HELZ: variants seen among roughly 807,000 people sequenced by gnomAD.
The protein encoded by HELZ is helicase with zinc finger.
A neutral mutation model predicts 218.2 loss-of-function variants in HELZ; 23 were observed. The ratio of observed to expected loss-of-function variants is 0.11; its 90% CI spans 0.08 to 0.15. The LOEUF is 0.15. HELZ is among the 10% of genes least tolerant of loss of function. HELZ has a pLI of 1.00. For missense variants in HELZ, 1,813 were observed against 2,353.7 expected (o/e 0.77, Z 4.75); for synonymous variants, 814 against 829.4 (o/e 0.98, Z 0.32).
intron 9 of HELZ, among the ~76,000 whole-genome samples, chr17:67,192,344 T>C (rs1325776582): frequency 1.3e-5 from 2 of 152,140 alleles, no homozygotes; most frequent in African/African-American, 4.8e-5. Flanking sequence ...CAGCACAATA[T>C]GAATTTTCAA....
At chr17:67,106,059 T>C (rs1163739111) in intron 31 of HELZ, among the ~76,000 whole-genome samples, 8 of 152,210 alleles carry the variant, frequency 5.3e-5, no homozygotes, top group African/African-American at 1.9e-4. Context: ...ATCAAAAAAG[T>C]ATTTTTCATA....
At chr17:67,153,895 A>G (rs1427727550) in intron 17 of HELZ, among the ~76,000 whole-genome samples, 1 of 152,244 alleles carries the variant, frequency 6.6e-6, no homozygotes, top group Admixed American at 6.5e-5. Context: ...CAAAAGGATA[A>G]TTTCTACTCA....
At chr17:67,155,177 CAAGA>C (rs1210836374) in intron 17 of HELZ, among the ~76,000 whole-genome samples, 1 of 151,986 alleles carries the variant, frequency 6.6e-6, no homozygotes, top group African/African-American at 2.4e-5. Context: ...GGTAGAAAAT[CAAGA>C]AAGAGGAAGA....
Position 67,193,133 on chromosome 17 carries a change from A to C in HELZ, c.557+834T>G, listed in dbSNP as rs2039939195. The stretch of plus-strand genomic sequence containing the variant: ...CAAGGCAGGAGGATTGCTTGAGCTC[A>C]GGAGTTCAAAACCAGCCTGAGCAAC... On this transcript the variant is annotated intron_variant, in intron 9 of 32. Transcript: ENST00000358691. Among the ~76,000 whole-genome samples, 8 of 152,180 alleles carry C rather than the reference A, an allele frequency of 5.3e-5. No individual in the cohort carries two copies. The South Asian group carries it at 1.7e-3, about 32-fold the overall frequency.
chr17:67,102,667 T>C (rs2036965291), intron 31 of HELZ, among the ~76,000 whole-genome samples: 2 of 152,210 alleles, frequency 1.3e-5, no homozygotes, highest in African/African-American at 4.8e-5. Flanking sequence ...AGATGATTCA[T>C]GCAAAAGCAT....
chr17:67,150,006 A>G (rs1449360103), intron 18 of HELZ, 21 bp from the exon 19 acceptor site: 1 of 1,413,482 alleles, frequency 7.1e-7, no homozygotes, highest in Non-Finnish European at 9.9e-7. Flanking sequence ...CAGCATAAAC[A>G]CAGGATAGCA....
At chr17:67,131,045 C>G (rs1167564387) in intron 23 of HELZ, among the ~76,000 whole-genome samples, 2 of 152,094 alleles carry the variant, frequency 1.3e-5, no homozygotes, top group Admixed American at 1.3e-4. Context: ...GCCACCACAC[C>G]TGGCTAAATT....
chr17:67,148,146 G>A (rs2038563668), intron 20 of HELZ, among the ~76,000 whole-genome samples: 1 of 152,200 alleles, frequency 6.6e-6, no homozygotes, highest in South Asian at 2.1e-4. Context: ...TGGGGGGCCG[G>A]GAGGGGGGCA....
At chr17:67,185,355 T>C (rs148342044) in intron 12 of HELZ, among the ~76,000 whole-genome samples, 2 of 152,274 alleles carry the variant, frequency 1.3e-5, no homozygotes, top group African/African-American at 4.8e-5. Context: ...AAGAAACAAA[T>C]ATTACACTAC....
At position 67,213,028 on chromosome 17, in the gene HELZ, G is replaced by C. The variant is rs1325288466; in HGVS notation, c.247+2871C>G. ...ATAGCACCTAATTTTAAAATGCTAA[G>C]TAAAACAATTAACAGAATAATGCAA... On this transcript the variant is annotated intron_variant, in intron 5 of 32. Coordinates refer to ENST00000358691, the MANE Select transcript of HELZ (RefSeq NM_014877.4). 3.3e-5 allele frequency among the ~76,000 whole-genome samples: 5 copies of C among 152,268 alleles called. No individual in the cohort carries two copies. The East Asian group carries it at 9.6e-4, about 29-fold the overall frequency.
At chr17:67,095,614 A>G (rs535617886) in intron 31 of HELZ, among the ~76,000 whole-genome samples, 35 of 152,272 alleles carry the variant, frequency 2.3e-4, no homozygotes, top group African/African-American at 7.7e-4. Context: ...CAAGTTAGTC[A>G]TATCAGGCTC....
chr17:67,156,005 T>C (rs1008916323), intron 17 of HELZ, among the ~76,000 whole-genome samples: 8 of 87,886 alleles, frequency 9.1e-5, no homozygotes, highest in African/African-American at 1.2e-4. Context: ...ATATAATATA[T>C]ACACACATAA....
chr17:67,143,919 C>T (rs191943952), intron 21 of HELZ, among the ~76,000 whole-genome samples: 1 of 152,244 alleles, frequency 6.6e-6, no homozygotes, highest in East Asian at 1.9e-4. Flanking sequence ...ACTTATAATT[C>T]CAAACTTTTT....
At chr17:67,227,228 T>C (rs2040917669) in intron 3 of HELZ, among the ~76,000 whole-genome samples, 1 of 151,926 alleles carries the variant, frequency 6.6e-6, no homozygotes, top group African/African-American at 2.4e-5. Flanking sequence ...AGTCTCACTC[T>C]GTCGCCCAGG....
Position 67,107,461 on chromosome 17 carries a change from G to A in HELZ, c.4949C>T (p.Pro1650Leu). The A allele has an allele frequency of 4.3e-6, 7 of 1,614,178 alleles. No homozygotes were observed. The highest frequency in any genetic ancestry group is 5.9e-6 in the Non-Finnish European group (7 of 1,180,032). Residue 1650 changes from proline (P) to leucine (L), a missense_variant, in exon 31 of 33, where the codon CCA becomes CTA. Physicochemically the swap from Pro to Leu is moderately conservative, Grantham distance 98. Transcript: ENST00000358691. ...GAATATCTGGGGTGGGAGGCGCTGT[G>A]GAAATGCTGGGTTGCTGGCTACTTC... Reference protein sequence around the residue: ...DIEVASNPAFPQRLPPQIFNS... With the variant: ...DIEVASNPAFLQRLPPQIFNS...
chr17:67,193,074 G>A (rs1329671806), intron 9 of HELZ, among the ~76,000 whole-genome samples: 2 of 152,096 alleles, frequency 1.3e-5, no homozygotes, highest in African/African-American at 4.8e-5. Flanking sequence ...CAGGTGTGGT[G>A]GCTCACATCT....
chr17:67,078,385 G>A lies in HELZ; in HGVS notation c.5696C>T (p.Ala1899Val), dbSNP rs1356432545. 1 of 1,608,970 alleles carries A rather than the reference G, an allele frequency of 6.2e-7. No homozygotes were observed. The highest frequency in any genetic ancestry group is 8.5e-7 in the Non-Finnish European group (1 of 1,178,498). ...GGKPAMSYASALRAPPKPRPP... is the reference protein window; with the variant it reads ...GGKPAMSYASVLRAPPKPRPP... ...CCTGGGCTTTGGAGGGGCCCGCAGA[G>A]CGCTGGCATAGGACATGGCGGGCTT... Residue 1899 changes from alanine to valine, a missense_variant, in exon 33 of 33, where the codon GCT (alanine) becomes GTT (valine). Transcript: ENST00000358691.
At chr17:67,094,837 A>C (rs2036693743) in intron 31 of HELZ, among the ~76,000 whole-genome samples, 1 of 152,232 alleles carries the variant, frequency 6.6e-6, no homozygotes, top group African/African-American at 2.4e-5. Flanking sequence ...TAATTTTAAA[A>C]TAATGTATTG....
At chr17:67,172,814 G>A (rs868009331) in intron 13 of HELZ, among the ~76,000 whole-genome samples, 40 of 152,112 alleles carry the variant, frequency 2.6e-4, no homozygotes, top group African/African-American at 9.4e-4. Flanking sequence ...CCATGTTGCC[G>A]AGGCTGGTCT....
Sources: gnomAD v4.1 joint callset for allele counts (sites outside exome capture counted in the v4.1 genomes callset) on GRCh38, gnomAD v4.1.1 for gene constraint, MANE v1.5 for transcripts, NCBI Gene and HGNC (gene_info 2026-07-23, HGNC 2026-07-21) for gene names.